Variants in CYB5RL observed in about 807,000 individuals in gnomAD.
CYB5RL encodes the protein cytochrome b5 reductase like.
A neutral mutation model predicts 37.5 loss-of-function variants in CYB5RL; 38 were observed. The observed-to-expected ratio is 1.01, with a 90% CI of 0.78 to 1.33. The LOEUF (loss-of-function observed/expected upper bound fraction) is 1.33, where lower values mean the gene tolerates loss of function less well. Among genes scored for constraint, CYB5RL ranks in the 40% most tolerant of loss-of-function variants. The probability of loss-of-function intolerance (pLI) is 0.00; values close to 1 mark genes in which losing one functional copy is unlikely to be tolerated. For synonymous variants in CYB5RL, 141 were observed against 151.9 expected (o/e 0.93, Z 0.53); for missense variants, 388 against 394.4 (o/e 0.98, Z 0.14).
chr1:54,187,474 T>C (rs1435118825), intron 5 of CYB5RL, among the ~76,000 whole-genome samples, 178 bp downstream of exon 5: 2 of 152,226 alleles, frequency 1.3e-5, no homozygotes, highest in Admixed American at 6.5e-5. Flanking sequence ...TCAGATTGCA[T>C]CCTGCTCCCT....
At chr1:54,187,937 G>T (rs1643917929) in intron 4 of CYB5RL, 198 bp from the exon 5 acceptor site, 1 of 554,746 alleles carries the variant, frequency 1.8e-6, no homozygotes, top group African/African-American at 1.9e-5. Flanking sequence ...TTAGCTGGGT[G>T]TGGTGGCTCA....
rs1208559930 is a variant in CYB5RL, at chr1:54,171,239, A to C, written c.*3380T>G. 4.4e-6 allele frequency: 2 copies of C among 456,088 alleles called. No individual in the cohort carries two copies. Among genetic ancestry groups the C allele is most frequent in the African/African-American group, 4.0e-5 (2 of 50,040 alleles). The allele number at this position is 456,088 out of a possible 1,614,324, so 28.3% of individuals were successfully genotyped here. ...CCAGGCAGAGGAAGCAGCGAGTGTA[A>C]GGGATGAGCTGACGCAAGAGAACAT... On this transcript the variant is annotated 3_prime_UTR_variant, in exon 8 of 8. Transcript: ENST00000534324.
chr1:54,186,627 C>G (rs1021868813), intron 5 of CYB5RL, among the ~76,000 whole-genome samples: 13 of 152,170 alleles, frequency 8.5e-5, no homozygotes, highest in Admixed American at 2.6e-4. Context: ...TCCACAGAAA[C>G]ACACCCCGAC....
intron 3 of CYB5RL, among the ~76,000 whole-genome samples, chr1:54,191,564 C>G (rs1643954737): frequency 6.6e-6 from 1 of 152,210 alleles, no homozygotes; most frequent in East Asian, 1.9e-4. Context: ...CTCCAGGAAG[C>G]CTTCTCTGAA....
intron 6 of CYB5RL, chr1:54,180,235 T>TAA (rs11410550): frequency 0.064 from 20,185 of 315,350 alleles, 58 homozygotes; most frequent in South Asian, 0.081. Context: ...AGATTCCATC[T>TAA]AAAAAAAAAA....
rs1002755173 is a variant in CYB5RL at position 54,174,360 on chromosome 1, C to T, written c.*259G>A. The T allele has an allele frequency of 6.1e-6, 3 of 495,420 alleles. No homozygotes were observed. The highest frequency in any genetic ancestry group is 1.1e-5 in the Non-Finnish European group (3 of 271,744). 30.7% of individuals were successfully genotyped at this position (495,420 alleles called of 1,614,324 possible). On this transcript the variant is annotated 3_prime_UTR_variant, in exon 8 of 8. Transcript: ENST00000534324. Reference sequence around the variant, plus strand: ...GCTTCCTCTGAAGAGTCCTCCCTGACTCCCAGGCTGGTTGCTCACCTCCTC... The same window carrying T: ...GCTTCCTCTGAAGAGTCCTCCCTGATTCCCAGGCTGGTTGCTCACCTCCTC...
intron 4 of CYB5RL, chr1:54,190,547 A>C: frequency 1.5e-6 from 1 of 673,756 alleles, no homozygotes. Flanking sequence ...AAATGCTATT[A>C]AAGTGATTGT....
At chr1:54,175,213 G>A (rs879819945) in intron 7 of CYB5RL, among the ~76,000 whole-genome samples, 6 of 152,142 alleles carry the variant, frequency 3.9e-5, no homozygotes, top group Non-Finnish European at 7.3e-5. Context: ...CATCACCCTC[G>A]GAGCATAACT....
At chr1:54,190,391 C>T (rs1643939744) in intron 4 of CYB5RL, among the ~76,000 whole-genome samples, 1 of 152,220 alleles carries the variant, frequency 6.6e-6, no homozygotes, top group Non-Finnish European at 1.5e-5. Flanking sequence ...CTGGCTCCAA[C>T]ATTTCCTAAC....
At position 54,179,230 on chromosome 1, in the gene CYB5RL, G is replaced by T; in HGVS notation, c.663C>A (p.Thr221=). 1.9e-6 allele frequency: 3 copies of T among 1,613,798 alleles called. No individual in the cohort carries two copies. The highest frequency in any genetic ancestry group is 2.5e-6 in the Non-Finnish European group (3 of 1,179,836). The part of the protein sequence containing the change: ...TFVTLVGCFK[T]FESIYLKTFL... ...AGGTTTTCAGGTAGATGCTCTCAAA[G>T]GTCTTGAAGCAACCGACCAGAGTGA... Residue 221 remains threonine (T), a synonymous_variant, in exon 7 of 8, where the codon ACC becomes ACA. Coordinates refer to ENST00000534324, the MANE Select transcript of CYB5RL (RefSeq NM_001031672.4).
At chr1:54,188,569 G>A (rs1463017453) in intron 4 of CYB5RL, among the ~76,000 whole-genome samples, 1 of 152,192 alleles carries the variant, frequency 6.6e-6, no homozygotes, top group Non-Finnish European at 1.5e-5. Context: ...ATGAGTCACA[G>A]TAATAGCCAT....
At chr1:54,175,292 G>A (rs933854009) in intron 7 of CYB5RL, among the ~76,000 whole-genome samples, 9 of 152,186 alleles carry the variant, frequency 5.9e-5, no homozygotes, top group African/African-American at 1.7e-4. Context: ...TGCTTATTCT[G>A]TGCCAGGCAC....
At chr1:54,186,481 G>GCT (rs1643899022) in intron 5 of CYB5RL, among the ~76,000 whole-genome samples, 1 of 152,152 alleles carries the variant, frequency 6.6e-6, no homozygotes, top group Non-Finnish European at 1.5e-5. Context: ...GACATTTCTG[G>GCT]CTTTTCCTAG....
At chr1:54,186,747 T>G (rs1643904557) in intron 5 of CYB5RL, among the ~76,000 whole-genome samples, 1 of 150,618 alleles carries the variant, frequency 6.6e-6, no homozygotes, top group Admixed American at 6.7e-5. Flanking sequence ...GAATAAACAC[T>G]CGGGCTCAGA....
chr1:54,198,228 G>A (rs1644031717), intron 1 of CYB5RL, among the ~76,000 whole-genome samples: 1 of 151,952 alleles, frequency 6.6e-6, no homozygotes, highest in South Asian at 2.1e-4. Flanking sequence ...TAGACTACAA[G>A]GTGTTAGATC....
At position 54,195,675 on chromosome 1, in the gene CYB5RL, C is replaced by T; in HGVS notation, c.-59G>A. ...GGGTGCTCTTCCAGAACAGGCCAGG[C>T]TCTATGAGACCACGGGCGCAGGCCC... On this transcript the variant is annotated 5_prime_UTR_variant, in exon 3 of 8. Transcript: ENST00000534324. 6.6e-7 allele frequency: 1 copy of T among 1,525,684 alleles called. No individual in the cohort carries two copies. Among genetic ancestry groups the T allele is most frequent in the Non-Finnish European group, 8.8e-7 (1 of 1,131,260 alleles). 94.5% of individuals were successfully genotyped at this position (1,525,684 alleles called of 1,614,324 possible). A position where few individuals can be genotyped will look rare whatever the true frequency, so the allele number is the denominator to read the frequency against.
chr1:54,182,607 C>T (rs542275859), intron 6 of CYB5RL, among the ~76,000 whole-genome samples: 14 of 152,124 alleles, frequency 9.2e-5, no homozygotes, highest in East Asian at 1.9e-4. Context: ...CAGAGTGCAG[C>T]GGCATGATCT....
intron 3 of CYB5RL, among the ~76,000 whole-genome samples, chr1:54,191,618 T>A (rs2100479606): frequency 6.6e-6 from 1 of 152,340 alleles, no homozygotes; most frequent in East Asian, 1.9e-4. Flanking sequence ...ATACTCCATT[T>A]ACTCCTGGGA....
intron 3 of CYB5RL, among the ~76,000 whole-genome samples, chr1:54,191,803 A>T (rs1643956744): frequency 6.6e-6 from 1 of 152,188 alleles, no homozygotes. Context: ...TGACCTCTTC[A>T]TCATCAGCCA....
Sources: allele counts gnomAD v4.1 joint callset (sites outside exome capture counted in the v4.1 genomes callset), GRCh38; gene constraint gnomAD v4.1.1; transcripts MANE v1.5; gene names NCBI Gene and HGNC (gene_info 2026-07-23, HGNC 2026-07-21).